The following PFKFB3 variants were observed in gnomAD, a reference collection of about 807,000 sequenced individuals.
PFKFB3 encodes the protein 6-phosphofructo-2-kinase/fructose-2,6-bisphosphatase 3.
Under a neutral mutation model 68.0 loss-of-function variants are expected in PFKFB3, and 33 were observed. The ratio of observed to expected loss-of-function variants is 0.49; its 90% CI spans 0.37 to 0.65. The LOEUF (loss-of-function observed/expected upper bound fraction) is 0.65. Among genes scored for constraint, PFKFB3 ranks in the 30% least tolerant of loss-of-function variants. PFKFB3 has a pLI of 0.00. For missense variants in PFKFB3, 586 were observed against 712.2 expected (o/e 0.82, Z 2.02); for synonymous variants, 315 against 288.2 (o/e 1.09, Z -0.94).
intron 1 of PFKFB3, among the ~76,000 whole-genome samples, chr10:6,180,433 C>T (rs1345971126): frequency 6.6e-6 from 1 of 152,092 alleles, no homozygotes; most frequent in Admixed American, 6.5e-5. Flanking sequence ...CAATTTTCTT[C>T]AAGTTTTTTC....
chr10:6,199,885 A>G (rs1303022568), upstream of PFKFB3, among the ~76,000 whole-genome samples: 1 of 151,628 alleles, frequency 6.6e-6, no homozygotes, highest in East Asian at 1.9e-4. Context: ...AAACAGCTCA[A>G]TTGTTCTAGG....
At chr10:6,308,938 A>G in the PFKFB3 span, among the ~76,000 whole-genome samples, 1 of 152,230 alleles carries the variant, frequency 6.6e-6, no homozygotes, top group Non-Finnish European at 1.5e-5. Flanking sequence ...GAATAGAAGA[A>G]CAAGTTAAAA....
At chr10:6,282,180 G>T in the PFKFB3 span, among the ~76,000 whole-genome samples, 1 of 152,072 alleles carries the variant, frequency 6.6e-6, no homozygotes, top group African/African-American at 2.4e-5. Context: ...TTGTGTGCTG[G>T]TGTAAAATCT....
the PFKFB3 span, among the ~76,000 whole-genome samples, chr10:6,273,343 C>T: frequency 6.6e-5 from 10 of 152,080 alleles, no homozygotes; most frequent in Non-Finnish European, 7.4e-5. Context: ...TTCTGGGGCC[C>T]GAGGAGCTTG....
chr10:6,295,677 G>A, the PFKFB3 span, among the ~76,000 whole-genome samples: 1 of 152,244 alleles, frequency 6.6e-6, no homozygotes, highest in Non-Finnish European at 1.5e-5. Context: ...TCTTCCCCCA[G>A]GCCAGCTGGG....
At position 6,215,330 on chromosome 10, in the gene PFKFB3, C is replaced by A. The variant is rs376358226; in HGVS notation, c.299+13C>A. 3.1e-6 allele frequency: 5 copies of A among 1,601,936 alleles called. No homozygotes were observed. In the Admixed American group the frequency reaches 8.4e-5, roughly 27 times the overall value. On this transcript the variant is annotated intron_variant, in intron 3 of 14. Transcript: ENST00000379775. The surrounding 1 kb of genome is among the most constrained non-coding windows in gnomAD (Gnocchi z 4.3). ...TGAAAGTCCGGAAGTAAGGCTGGGC[C>A]GCGGGCGTAGGGCTGGGCTGTGGGA... is the stretch of plus-strand genomic sequence containing the variant.
At chr10:6,181,221 G>A (rs1025528130) in intron 1 of PFKFB3, among the ~76,000 whole-genome samples, 12 of 152,146 alleles carry the variant, frequency 7.9e-5, no homozygotes, top group Admixed American at 7.2e-4. Context: ...AAGTCTTGCT[G>A]TGTTGGCTCT....
At position 6,253,666 on chromosome 10, in the gene PFKFB3, G is replaced by C. The variant is rs369993809; in HGVS notation, c.1516-512G>C. Among the ~76,000 whole-genome samples, 66 of 152,224 alleles carry C rather than the reference G, an allele frequency of 4.3e-4. No homozygotes were observed. In the South Asian group the frequency reaches 0.013, roughly 31 times the overall value. Reference sequence around the variant, plus strand: ...AGGAGAAAGAAAAAAAAAAGATGCGGTCATATCCTGGTGGTGGGGGATGAG... The same window carrying C: ...AGGAGAAAGAAAAAAAAAAGATGCGCTCATATCCTGGTGGTGGGGGATGAG... On this transcript the variant is annotated intron_variant, in intron 14 of 14. Transcript: ENST00000640683.
chr10:6,163,826 TCCCGGCGTGCGCCGCGCGGCCC>T (rs1255267275), intron 1 of PFKFB3: 2 of 151,804 alleles, frequency 1.3e-5, no homozygotes, highest in African/African-American at 4.8e-5. Context: ...TCGCGCGCCC[TCCCGGCGTGCGCCGCGCGGCCC>T]CAGCCTGCTC....
chr10:6,273,839 C>T, the PFKFB3 span, among the ~76,000 whole-genome samples: 5 of 152,272 alleles, frequency 3.3e-5, no homozygotes, highest in South Asian at 2.1e-4. Flanking sequence ...AGCTCCTTCC[C>T]GCAGCCTCAA....
chr10:6,164,633 C>G (rs1240052771), intron 1 of PFKFB3, among the ~76,000 whole-genome samples: 1 of 151,996 alleles, frequency 6.6e-6, no homozygotes, highest in Non-Finnish European at 1.5e-5. Context: ...GTGGCCGTCT[C>G]TGAGTTCCCT....
chr10:6,175,129 C>T (rs965788773), intron 1 of PFKFB3, among the ~76,000 whole-genome samples: 1 of 152,154 alleles, frequency 6.6e-6, no homozygotes, highest in Admixed American at 6.5e-5. Flanking sequence ...TGTTTCTTTT[C>T]TTTCAAAATT....
chr10:6,172,534 C>G (rs1588417648), intron 1 of PFKFB3, among the ~76,000 whole-genome samples: 2 of 152,128 alleles, frequency 1.3e-5, no homozygotes, highest in East Asian at 3.9e-4. Flanking sequence ...AATGAGGAAA[C>G]CGGGGTGCTG....
intron 1 of PFKFB3, among the ~76,000 whole-genome samples, chr10:6,204,330 G>C (rs956544700): frequency 6.6e-6 from 1 of 152,268 alleles, no homozygotes; most frequent in African/African-American, 2.4e-5. Flanking sequence ...AGTAGTGACC[G>C]TGGGATCCAG....
At chr10:6,245,258 G>A (rs1415807796) in intron 14 of PFKFB3, among the ~76,000 whole-genome samples, 2 of 151,580 alleles carry the variant, frequency 1.3e-5, no homozygotes, top group Non-Finnish European at 2.9e-5. Flanking sequence ...CACCATGCCT[G>A]GCTAATTTTT....
At chr10:6,256,261 G>A (rs1457703437), downstream of PFKFB3, among the ~76,000 whole-genome samples, 1 of 152,176 alleles carries the variant, frequency 6.6e-6, no homozygotes. Flanking sequence ...TCCTAAACCA[G>A]AGGACATGAA....
At chr10:6,242,893 A>G (rs1472949122) in intron 14 of PFKFB3, among the ~76,000 whole-genome samples, 4 of 152,300 alleles carry the variant, frequency 2.6e-5, no homozygotes, top group African/African-American at 4.8e-5. Flanking sequence ...CGGCCTAAAC[A>G]TTTTATTTCT....
At chr10:6,161,637 T>TAG (rs71390193) in intron 1 of PFKFB3, among the ~76,000 whole-genome samples, 14 of 149,718 alleles carry the variant, frequency 9.4e-5, no homozygotes, top group African/African-American at 2.2e-4. Context: ...TATATATATA[T>TAG]AGAGAGAGAG....
chr10:6,302,883 T>C, the PFKFB3 span, among the ~76,000 whole-genome samples: 2 of 152,124 alleles, frequency 1.3e-5, no homozygotes, highest in Non-Finnish European at 2.9e-5. Context: ...TTAGAAAAAC[T>C]GTCAGACTGT....
Sources: gnomAD v4.1 joint callset for allele counts (sites outside exome capture counted in the v4.1 genomes callset) on GRCh38, gnomAD v4.1.1 for gene constraint, Gnocchi (gnomAD v3.1) non-coding constraint, MANE v1.5 for transcripts, NCBI Gene and HGNC (gene_info 2026-07-23, HGNC 2026-07-21) for gene names.